The following CORO1C variants were observed in gnomAD, a reference collection of about 807,000 sequenced individuals.
The protein encoded by CORO1C is coronin 1C.
CORO1C carries 14 observed loss-of-function variants against 51.2 expected under a neutral mutation model. The observed-to-expected ratio is 0.27, with a 90% CI of 0.18 to 0.43. CORO1C has a LOEUF of 0.43. Ranked by LOEUF, CORO1C falls within the 20% of genes least tolerant of loss-of-function variation. The pLI is 1.00. For synonymous variants in CORO1C, 181 were observed against 210.5 expected, an observed-to-expected ratio of 0.86 and a Z score of 1.21; for missense variants, 417 against 607.8, an observed-to-expected ratio of 0.69 and a Z score of 3.30.
At chr12:108,686,869 G>A (rs114596728) in intron 2 of CORO1C, among the ~76,000 whole-genome samples, 2,868 of 152,240 alleles carry the variant, frequency 0.019, 82 homozygotes, top group African/African-American at 0.066. Flanking sequence ...AACATGAGCC[G>A]AAAGGAAAAT....
At chr12:108,660,620 A>T (rs2033221589) in intron 4 of CORO1C, among the ~76,000 whole-genome samples, 1 of 152,174 alleles carries the variant, frequency 6.6e-6, no homozygotes, top group African/African-American at 2.4e-5. Flanking sequence ...ATAGCCTAAA[A>T]ATATGCAGAA....
chr12:108,701,494 G>A, intron 1 of CORO1C, 171 bp from the exon 2 acceptor site: 2 of 926,710 alleles, frequency 2.2e-6, no homozygotes, highest in Admixed American at 2.8e-5. Flanking sequence ...CATACCCGGA[G>A]ACAACTGCAA....
chr12:108,667,490 TTTTTA>T (rs1366973377), intron 3 of CORO1C, among the ~76,000 whole-genome samples: 5 of 152,202 alleles, frequency 3.3e-5, no homozygotes, highest in Non-Finnish European at 7.3e-5. Context: ...TACTTCCTCT[TTTTTA>T]TTTTATTTTC....
chr12:108,709,598 T>C (rs917052887), intron 1 of CORO1C, among the ~76,000 whole-genome samples: 2 of 152,212 alleles, frequency 1.3e-5, no homozygotes, highest in Non-Finnish European at 2.9e-5. Context: ...TAAGATGGCA[T>C]ATCACCAAAC....
chr12:108,688,073 G>A (rs1430210350), intron 2 of CORO1C, among the ~76,000 whole-genome samples: 7 of 151,694 alleles, frequency 4.6e-5, no homozygotes, highest in Non-Finnish European at 1.0e-4. Flanking sequence ...ACAGGCACAC[G>A]CCACCACGTC....
chr12:108,701,625 TC>T, intron 1 of CORO1C: 2 of 374,894 alleles, frequency 5.3e-6, no homozygotes, highest in Non-Finnish European at 1.0e-5. Flanking sequence ...AATTAGCCTT[TC>T]AGGGTTGGGT....
chr12:108,688,135 T>A lies in CORO1C; in HGVS notation c.196-9741A>T, dbSNP rs150001378. ...TATGTTGACCAGGCTGGTCTCAAAC[T>A]CCTGACCTCAGGTGATCTGCCCACC... On this transcript the variant is annotated intron_variant, in intron 2 of 10. Coordinates refer to ENST00000261401, the MANE Select transcript of CORO1C (RefSeq NM_014325.4). 9.2e-4 allele frequency among the ~76,000 whole-genome samples: 140 copies of A among 152,200 alleles called. 1 individual carries two copies. Among genetic ancestry groups the A allele is most frequent in the Middle Eastern group, 3.4e-3 (1 of 294 alleles).
intron 6 of CORO1C, among the ~76,000 whole-genome samples, chr12:108,655,289 C>T (rs1423900555): frequency 6.6e-6 from 1 of 152,146 alleles, no homozygotes; most frequent in African/African-American, 2.4e-5. Flanking sequence ...GAAATATGAA[C>T]TTATTTTCCA....
At chr12:108,709,290 C>T (rs1344217721) in intron 1 of CORO1C, among the ~76,000 whole-genome samples, 1 of 151,994 alleles carries the variant, frequency 6.6e-6, no homozygotes, top group South Asian at 2.1e-4. Flanking sequence ...TATTTAAGAG[C>T]CCAGTAATAG....
intron 2 of CORO1C, among the ~76,000 whole-genome samples, chr12:108,690,173 A>C (rs942270295): frequency 6.6e-6 from 1 of 152,196 alleles, no homozygotes; most frequent in Admixed American, 6.5e-5. Flanking sequence ...GGGTGCACAC[A>C]ATATATGACT....
intron 8 of CORO1C, among the ~76,000 whole-genome samples, chr12:108,649,860 T>G (rs899042458): frequency 2.0e-5 from 3 of 152,114 alleles, no homozygotes; most frequent in African/African-American, 7.2e-5. Flanking sequence ...AGGGGGGAGT[T>G]GAATGTGGGC....
chr12:108,673,018 C>A (rs115452546), intron 3 of CORO1C, among the ~76,000 whole-genome samples: 1 of 152,110 alleles, frequency 6.6e-6, no homozygotes, highest in Non-Finnish European at 1.5e-5. Flanking sequence ...ATTAATAACC[C>A]TAAATGACCT....
In CORO1C at chr12:108,647,197, T is replaced by C. The variant is rs536541847; in HGVS notation, c.*206A>G. On this transcript the variant is annotated 3_prime_UTR_variant, in exon 11 of 11. Coordinates refer to ENST00000261401, the MANE Select transcript of CORO1C (RefSeq NM_014325.4). ...AAAGCTTTCTGATAAAAAGCTCAGC[T>C]TTTAAATCACGTTTTGTTTCTGCAA... 190 of 445,058 alleles carry C rather than the reference T, an allele frequency of 4.3e-4. No individual in the cohort carries two copies. Among genetic ancestry groups the C allele is most frequent in the Non-Finnish European group, 7.3e-4 (182 of 250,780 alleles). 27.6% of individuals were successfully genotyped at this position (445,058 alleles called of 1,614,324 possible). A position where few individuals can be genotyped will look rare whatever the true frequency, so the allele number is the denominator to read the frequency against.
chr12:108,661,988 G>A, intron 4 of CORO1C, 41 bp downstream of exon 4: 1 of 1,612,268 alleles, frequency 6.2e-7, no homozygotes, highest in Non-Finnish European at 8.5e-7. Flanking sequence ...AGAGCCACAA[G>A]AGTGGAAGAC....
chr12:108,648,553 A>G, intron 10 of CORO1C, 52 bp downstream of exon 10: 1 of 1,608,122 alleles, frequency 6.2e-7, no homozygotes, highest in South Asian at 1.1e-5. Flanking sequence ...AGGGCTTTCT[A>G]GAGGATAAAG....
At chr12:108,715,585 A>C (rs1191130519) in intron 1 of CORO1C, among the ~76,000 whole-genome samples, 1 of 151,978 alleles carries the variant, frequency 6.6e-6, no homozygotes, top group African/African-American at 2.4e-5. Flanking sequence ...ATTGCTGAAG[A>C]AACGTCCCTT....
chr12:108,710,960 T>TCTTTA (rs1451321690), intron 1 of CORO1C, among the ~76,000 whole-genome samples: 11 of 152,138 alleles, frequency 7.2e-5, no homozygotes, highest in Admixed American at 1.3e-4. Flanking sequence ...CAGAGAAAAT[T>TCTTTA]TGTACTCTTG....
chr12:108,727,588 A>G (rs1592959532), intron 1 of CORO1C, among the ~76,000 whole-genome samples: 1 of 152,222 alleles, frequency 6.6e-6, no homozygotes, highest in Non-Finnish European at 1.5e-5. Context: ...TTCCCTGATG[A>G]ATCCTTTTTC....
chr12:108,718,561 GA>G (rs1426539088), intron 1 of CORO1C, among the ~76,000 whole-genome samples: 1 of 151,520 alleles, frequency 6.6e-6, no homozygotes, highest in Non-Finnish European at 1.5e-5. Flanking sequence ...AAGAAAGAAA[GA>G]AAAGAAAAGA....
Sources: gnomAD v4.1 joint callset for allele counts (sites outside exome capture counted in the v4.1 genomes callset) on GRCh38, gnomAD v4.1.1 for gene constraint, MANE v1.5 for transcripts, NCBI Gene and HGNC (gene_info 2026-07-23, HGNC 2026-07-21) for gene names.